Variants in OPRM1 observed in about 807,000 individuals in gnomAD.
OPRM1 encodes mu-type opioid receptor.
OPRM1 carries 27 observed loss-of-function variants against 31.8 expected under a neutral mutation model. The observed-to-expected ratio is 0.85, with a 90% CI of 0.63 to 1.17. The LOEUF is 1.17. Ranked by LOEUF, OPRM1 falls within the 50% of genes most tolerant of loss-of-function variation. The pLI, the probability that OPRM1 is intolerant of heterozygous loss-of-function variation, is 0.00. For missense variants in OPRM1, 536 were observed against 511.1 expected (o/e 1.05, Z -0.47); for synonymous variants, 196 against 189.9 (o/e 1.03, Z -0.26).
intron 3 of OPRM1, among the ~76,000 whole-genome samples, chr6:154,194,960 G>A (rs1201213211): frequency 6.6e-6 from 1 of 151,996 alleles, no homozygotes; most frequent in Non-Finnish European, 1.5e-5. Flanking sequence ...ATTAAGTGCT[G>A]AGGATACAAA....
intron 1 of OPRM1, among the ~76,000 whole-genome samples, chr6:154,068,959 A>C (rs953349284): frequency 6.6e-6 from 1 of 152,146 alleles, no homozygotes; most frequent in East Asian, 1.9e-4. Context: ...ATGATTACTG[A>C]TGTTAAACAT....
At chr6:154,185,407 A>G (rs1801250314) in intron 3 of OPRM1, among the ~76,000 whole-genome samples, 1 of 152,200 alleles carries the variant, frequency 6.6e-6, no homozygotes, top group African/African-American at 2.4e-5. Flanking sequence ...TAATGGCAAA[A>G]AGTTAGAGTT....
chr6:154,153,372 T>G (rs1798593956), intron 3 of OPRM1, among the ~76,000 whole-genome samples: 1 of 152,162 alleles, frequency 6.6e-6, no homozygotes, highest in Non-Finnish European at 1.5e-5. Flanking sequence ...GTGAGCCTGT[T>G]GTAATCACAA....
chr6:154,113,258 A>T (rs1038023636), intron 3 of OPRM1, among the ~76,000 whole-genome samples: 1 of 152,184 alleles, frequency 6.6e-6, no homozygotes, highest in Non-Finnish European at 1.5e-5. Flanking sequence ...GATGCTGGGG[A>T]ACAGTACTCA....
chr6:154,070,602 T>C (rs1371537607), intron 1 of OPRM1, among the ~76,000 whole-genome samples: 4 of 152,222 alleles, frequency 2.6e-5, no homozygotes, highest in African/African-American at 9.6e-5. Context: ...ATTTAATTTG[T>C]TTTAAAGATA....
chr6:154,193,472 A>C lies in OPRM1; in HGVS notation c.1165-53221A>C, dbSNP rs997232835. ...AAGAACTCATTCATGTAACCACACA[A>C]CACCACCTGTTCCCCAAAAACCTAT... On this transcript the variant is annotated intron_variant, in intron 3 of 3. Transcript: ENST00000337049. 6.6e-5 allele frequency among the ~76,000 whole-genome samples: 10 copies of C among 152,204 alleles called. 1 individual carries two copies. The highest frequency in any genetic ancestry group is 2.0e-4 in the Admixed American group (3 of 15,286).
chr6:154,048,796 G>T (rs1583225138), intron 1 of OPRM1, among the ~76,000 whole-genome samples: 1 of 152,142 alleles, frequency 6.6e-6, no homozygotes, highest in African/African-American at 2.4e-5. Flanking sequence ...GTCTATATAT[G>T]CATATATTCC....
At chr6:154,057,422 G>A (rs1165025577) in intron 1 of OPRM1, among the ~76,000 whole-genome samples, 2 of 152,154 alleles carry the variant, frequency 1.3e-5, no homozygotes, top group Admixed American at 1.3e-4. Context: ...TTCCATCACA[G>A]TATCAGAAAA....
chr6:154,092,063 A>G (rs945961847), intron 3 of OPRM1: 11 of 249,382 alleles, frequency 4.4e-5, no homozygotes, highest in Non-Finnish European at 5.7e-5. Context: ...ACTGAATAAT[A>G]TATTATTAAT....
Position 154,120,145 on chromosome 6 carries a change from TA to T in OPRM1, c.*1430del, listed in dbSNP as rs1436302405. ...TTGTAGTTATCTATGATGATACAAG[TA>T]AAAAACTAGGCTGCTGACTTCTGAG... On this transcript the variant is annotated 3_prime_UTR_variant, in exon 4 of 4. Coordinates refer to ENST00000330432, the MANE Select transcript of OPRM1 (RefSeq NM_000914.5). 1.4e-4 allele frequency among the ~76,000 whole-genome samples: 22 copies of T among 152,296 alleles called. 1 individual carries two copies. The highest frequency in any genetic ancestry group is 6.2e-4 in the South Asian group (3 of 4,830).
At chr6:154,060,351 C>A (rs1048739241) in intron 1 of OPRM1, among the ~76,000 whole-genome samples, 9 of 152,110 alleles carry the variant, frequency 5.9e-5, no homozygotes, top group African/African-American at 1.9e-4. Context: ...CCAAAAGAAC[C>A]AAAAGTACCC....
intron 3 of OPRM1, among the ~76,000 whole-genome samples, chr6:154,223,744 G>A (rs984796668): frequency 1.3e-5 from 2 of 152,146 alleles, no homozygotes; most frequent in African/African-American, 4.8e-5. Flanking sequence ...ACTTAAATGA[G>A]CTCAGATAAA....
At position 154,090,017 on chromosome 6, in the gene OPRM1, G is replaced by C. The variant is rs200334540; in HGVS notation, c.482G>C (p.Cys161Ser). 19 of 1,614,034 alleles carry C rather than the reference G, an allele frequency of 1.2e-5. No homozygotes were observed. Among genetic ancestry groups the C allele is most frequent in the Non-Finnish European group, 1.5e-5 (18 of 1,180,022 alleles). Residue 161 changes from cysteine to serine, a missense_variant, in exon 2 of 4, where the codon TGC becomes TCC. By Grantham distance (112) the Cys-to-Ser change is moderately radical (BLOSUM62 -1). Transcript: ENST00000330432. ...ATGTTCACCAGCATATTCACCCTCT[G>C]CACCATGAGTGTTGATCGATACATT... ...YNMFTSIFTL[C>S]TMSVDRYIAV...
At chr6:154,072,613 A>G (rs911755315) in intron 1 of OPRM1, among the ~76,000 whole-genome samples, 5 of 152,234 alleles carry the variant, frequency 3.3e-5, no homozygotes, top group African/African-American at 1.2e-4. Context: ...ATATAAAGCA[A>G]TAAATCAATG....
At chr6:154,221,563 A>G (rs548251411) in intron 3 of OPRM1, among the ~76,000 whole-genome samples, 2 of 152,338 alleles carry the variant, frequency 1.3e-5, no homozygotes, top group East Asian at 3.9e-4. Context: ...TTAGCTGGTC[A>G]GTAGTTTCCA....
chr6:154,218,463 A>G (rs1778591457), intron 3 of OPRM1, among the ~76,000 whole-genome samples: 1 of 152,214 alleles, frequency 6.6e-6, no homozygotes, highest in South Asian at 2.1e-4. Flanking sequence ...CCAGAAATGC[A>G]GTTGCCCAGG....
At position 154,021,174 on chromosome 6, in the gene OPRM1, C is replaced by T. The variant is rs1030130684; in HGVS notation, c.-1+10156C>T. Among the ~76,000 whole-genome samples the T allele has an allele frequency of 1.1e-4, 17 of 152,240 alleles. No individual in the cohort carries two copies. The South Asian group carries it at 1.5e-3, about 13-fold the overall frequency. On this transcript the variant is annotated intron_variant, in intron 1 of 5. Coordinates refer to the OPRM1 transcript ENST00000434900. ...GTCTATGTCTAGATTCATCTTTTTG[C>T]GTGTGAACATCCCATTGTTCAGCAC...
chr6:154,192,387 TAGAG>T (rs748187371), intron 3 of OPRM1, among the ~76,000 whole-genome samples: 18 of 151,712 alleles, frequency 1.2e-4, no homozygotes, highest in Middle Eastern at 3.4e-3. Context: ...GTATTTTAGA[TAGAG>T]AGAGAACACT....
At chr6:154,052,866 C>G (rs927827046) in intron 1 of OPRM1, among the ~76,000 whole-genome samples, 5 of 152,162 alleles carry the variant, frequency 3.3e-5, no homozygotes, top group Non-Finnish European at 5.9e-5. Context: ...CCTAGACCAA[C>G]TCACAGTATT....
Sources: allele counts gnomAD v4.1 joint callset (sites outside exome capture counted in the v4.1 genomes callset), GRCh38; gene constraint gnomAD v4.1.1; transcripts MANE v1.5; gene names NCBI Gene and HGNC (gene_info 2026-07-23, HGNC 2026-07-21).